SHLD2: variants seen among roughly 807,000 people sequenced by gnomAD.
SHLD2 encodes the protein RINN1-REV7-interacting novel NHEJ regulator 2.
A neutral mutation model predicts 73.2 loss-of-function variants in SHLD2; 30 were observed. The observed-to-expected ratio is 0.41, with a 90% CI of 0.31 to 0.56. The LOEUF (loss-of-function observed/expected upper bound fraction) is 0.56. SHLD2 is among the 20% of genes least tolerant of loss of function. The pLI is 0.28. For synonymous variants in SHLD2, 285 were observed against 370.1 expected (o/e 0.77, Z 2.64); for missense variants, 745 against 1,055.9 (o/e 0.71, Z 4.08).
intron 2 of SHLD2, among the ~76,000 whole-genome samples, chr10:87,135,641 A>C (rs1181352021): frequency 6.7e-6 from 1 of 149,286 alleles, no homozygotes; most frequent in Non-Finnish European, 1.5e-5. Context: ...CTACAGATGC[A>C]TGCCACCACA....
chr10:87,171,873 A>T (rs541744008), intron 6 of SHLD2, among the ~76,000 whole-genome samples: 100 of 152,300 alleles, frequency 6.6e-4, no homozygotes, highest in African/African-American at 2.3e-3. Flanking sequence ...GCTGACAAAC[A>T]TGTATCAGTG....
At chr10:87,139,824 C>CA (rs989961377) in intron 2 of SHLD2, among the ~76,000 whole-genome samples, 19 of 150,474 alleles carry the variant, frequency 1.3e-4, no homozygotes, top group African/African-American at 3.7e-4. Context: ...GACTTTGTCT[C>CA]AAAAAAAACC....
chr10:87,110,386 G>A (rs1842845037), intron 2 of SHLD2, among the ~76,000 whole-genome samples: 1 of 152,074 alleles, frequency 6.6e-6, no homozygotes, highest in Non-Finnish European at 1.5e-5. Flanking sequence ...GAGGCGGGCG[G>A]ATCACAAGGT....
At chr10:87,115,112 G>A (rs1284653817) in intron 2 of SHLD2, among the ~76,000 whole-genome samples, 10 of 152,110 alleles carry the variant, frequency 6.6e-5, no homozygotes, top group African/African-American at 1.9e-4. Context: ...GTGCAGTGGT[G>A]CGATCTTGGC....
chr10:87,172,501 A>G (rs1336038208), intron 6 of SHLD2, among the ~76,000 whole-genome samples: 1 of 152,134 alleles, frequency 6.6e-6, no homozygotes, highest in Non-Finnish European at 1.5e-5. Flanking sequence ...AAAAATGTGT[A>G]TGTTCATTAG....
intron 2 of SHLD2, among the ~76,000 whole-genome samples, chr10:87,132,912 G>GT (rs1230214129): frequency 6.6e-6 from 1 of 152,264 alleles, no homozygotes; most frequent in East Asian, 1.9e-4. Flanking sequence ...TGTGTTCTAA[G>GT]TTTTTTTCAT....
At chr10:87,107,094 C>CAAAA (rs1554827009) in intron 2 of SHLD2, among the ~76,000 whole-genome samples, 1,647 of 110,500 alleles carry the variant, frequency 0.015, 48 homozygotes, top group African/African-American at 0.029. Context: ...CAATAATTGG[C>CAAAA]AAAAAAAAAA....
chr10:87,144,282 G>A (rs918295950), intron 2 of SHLD2, among the ~76,000 whole-genome samples: 10 of 152,116 alleles, frequency 6.6e-5, no homozygotes, highest in East Asian at 1.9e-4. Flanking sequence ...AGAAATTCCC[G>A]TTGTATTGCA....
intron 2 of SHLD2, among the ~76,000 whole-genome samples, chr10:87,099,604 G>A (rs920635734): frequency 1.3e-5 from 2 of 152,176 alleles, no homozygotes; most frequent in Non-Finnish European, 2.9e-5. Flanking sequence ...TGACTATTCT[G>A]AATGATGCTG....
intron 2 of SHLD2, among the ~76,000 whole-genome samples, chr10:87,131,346 A>G (rs1844413349): frequency 6.6e-6 from 1 of 151,744 alleles, no homozygotes; most frequent in Non-Finnish European, 1.5e-5. Flanking sequence ...GAAACCCCAT[A>G]CTCATTAAGC....
chr10:87,187,241 G>C (rs1483778865), intron 9 of SHLD2, 41 bp downstream of exon 9: 17 of 1,156,530 alleles, frequency 1.5e-5, no homozygotes, highest in Non-Finnish European at 2.0e-5. Context: ...TTTTATTCAG[G>C]AGTATAAATG....
intron 8 of SHLD2, 49 bp from the exon 9 acceptor site, chr10:87,187,036 T>G: frequency 8.2e-7 from 1 of 1,221,206 alleles, no homozygotes; most frequent in Non-Finnish European, 1.2e-6. Flanking sequence ...AAGCATTTCT[T>G]TTATCTGAAA....
In SHLD2 at chr10:87,112,117, A is replaced by T. The variant is rs1842964965; in HGVS notation, c.-6+15128A>T. Among the ~76,000 whole-genome samples, 3 of 151,342 alleles carry T rather than the reference A, an allele frequency of 2.0e-5. No individual in the cohort carries two copies. In the South Asian group the frequency reaches 6.3e-4, roughly 32 times the overall value. On this transcript the variant is annotated intron_variant, in intron 2 of 9. Transcript: ENST00000298786. ...GCTGGGTGTAGTGGCGGGTGCCTGT[A>T]GTCCCAGCTACTCGGGAGGCTGAGG...
chr10:87,148,567 G>GA (rs1304901502), intron 2 of SHLD2, among the ~76,000 whole-genome samples: 1,284 of 101,998 alleles, frequency 0.013, 25 homozygotes, highest in African/African-American at 0.047. Context: ...GTGGGGGGGC[G>GA]GGGGTTGGTT....
intron 7 of SHLD2, among the ~76,000 whole-genome samples, chr10:87,179,330 G>C (rs1030354232): frequency 2.0e-5 from 3 of 151,246 alleles, no homozygotes; most frequent in African/African-American, 7.3e-5. Context: ...CGGAAAGTTG[G>C]AAAAAAGTTT....
At chr10:87,148,846 G>A (rs1845814466) in intron 2 of SHLD2, among the ~76,000 whole-genome samples, 1 of 151,268 alleles carries the variant, frequency 6.6e-6, no homozygotes, top group South Asian at 2.1e-4. Flanking sequence ...GTAATGTTAT[G>A]CATTTGATTT....
chr10:87,148,321 A>G (rs887696163), intron 2 of SHLD2, among the ~76,000 whole-genome samples: 4 of 152,348 alleles, frequency 2.6e-5, no homozygotes, highest in Non-Finnish European at 5.9e-5. Flanking sequence ...ATCTGTCTTA[A>G]GTACAAAAGA....
At chr10:87,112,490 T>C (rs904463599) in intron 2 of SHLD2, among the ~76,000 whole-genome samples, 8 of 151,858 alleles carry the variant, frequency 5.3e-5, no homozygotes. Flanking sequence ...CATAGGGAGA[T>C]AGGCGTGGTG....
At chr10:87,111,856 G>C (rs993371252) in intron 2 of SHLD2, among the ~76,000 whole-genome samples, 2 of 151,964 alleles carry the variant, frequency 1.3e-5, no homozygotes, top group Non-Finnish European at 2.9e-5. Flanking sequence ...TTAAATATTT[G>C]CAAATTGTGT....
Sources: allele counts gnomAD v4.1 joint callset (sites outside exome capture counted in the v4.1 genomes callset), GRCh38; gene constraint gnomAD v4.1.1; transcripts MANE v1.5; gene names NCBI Gene and HGNC (gene_info 2026-07-23, HGNC 2026-07-21).